Variants in FBXL17 observed in about 807,000 individuals in gnomAD.
FBXL17 encodes F-box/LRR-repeat protein 17.
A neutral mutation model predicts 66.2 loss-of-function variants in FBXL17; 22 were observed. The observed-to-expected ratio is 0.33, with a 90% CI of 0.24 to 0.47. The LOEUF (loss-of-function observed/expected upper bound fraction) is 0.47. FBXL17 is among the 20% of genes least tolerant of loss of function. The pLI, the probability that FBXL17 is intolerant of heterozygous loss-of-function variation, is 1.00. For synonymous variants in FBXL17, 474 were observed against 400.5 expected, an observed-to-expected ratio of 1.18 and a Z score of -2.19; for missense variants, 878 against 948.2, an observed-to-expected ratio of 0.93 and a Z score of 0.97.
At chr5:108,272,297 AT>A (rs1267347080) in intron 4 of FBXL17, among the ~76,000 whole-genome samples, 3 of 151,982 alleles carry the variant, frequency 2.0e-5, no homozygotes, top group Non-Finnish European at 2.9e-5. Context: ...TCCAAAAAAA[AT>A]AAATAAATAA....
intron 7 of FBXL17, among the ~76,000 whole-genome samples, chr5:108,015,279 A>G (rs970064561): frequency 2.0e-5 from 3 of 152,190 alleles, no homozygotes; most frequent in Admixed American, 6.5e-5. Flanking sequence ...AGAAACAATA[A>G]AAGTTACCTA....
intron 3 of FBXL17, among the ~76,000 whole-genome samples, chr5:108,360,147 T>C (rs1206071119): frequency 6.6e-6 from 1 of 152,116 alleles, no homozygotes; most frequent in Non-Finnish European, 1.5e-5. Flanking sequence ...TCTTTTTCCA[T>C]CCTTTCAACC....
At chr5:108,370,401 T>C (rs969891628) in intron 1 of FBXL17, among the ~76,000 whole-genome samples, 8 of 152,158 alleles carry the variant, frequency 5.3e-5, no homozygotes, top group African/African-American at 1.9e-4. Context: ...AACTGCCTGT[T>C]ACCTTCACAA....
intron 8 of FBXL17, among the ~76,000 whole-genome samples, chr5:107,869,193 G>T (rs376928204): frequency 7.6e-4 from 115 of 152,300 alleles, no homozygotes; most frequent in African/African-American, 2.5e-3. Context: ...AACAGCCCCA[G>T]AGGCTGACTC....
chr5:108,112,707 A>G lies in FBXL17; in HGVS notation c.1745+73410T>C, dbSNP rs1215787436. 7.9e-5 allele frequency among the ~76,000 whole-genome samples: 12 copies of G among 151,882 alleles called. No homozygotes were observed. The East Asian group carries it at 2.3e-3, about 29-fold the overall frequency. ...GTATTAAAATATATTACTGCTCAAGAAGGAGAAGGAATGCATGAACATGAT... is the reference window on the plus strand; with the variant it reads ...GTATTAAAATATATTACTGCTCAAGGAGGAGAAGGAATGCATGAACATGAT... On this transcript the variant is annotated intron_variant, in intron 6 of 8. Transcript: ENST00000542267.
chr5:108,245,252 A>G (rs1756042117), intron 4 of FBXL17, among the ~76,000 whole-genome samples: 1 of 152,166 alleles, frequency 6.6e-6, no homozygotes, highest in African/African-American at 2.4e-5. Context: ...GTTTGTGAAA[A>G]TATTTCAGAC....
At chr5:108,117,424 G>T (rs1013412625) in intron 6 of FBXL17, among the ~76,000 whole-genome samples, 1 of 152,076 alleles carries the variant, frequency 6.6e-6, no homozygotes, top group African/African-American at 2.4e-5. Flanking sequence ...GAAAAAGAGT[G>T]TTTTAAATAT....
At chr5:107,985,213 T>C (rs1752971742) in intron 7 of FBXL17, among the ~76,000 whole-genome samples, 1 of 152,220 alleles carries the variant, frequency 6.6e-6, no homozygotes, top group Non-Finnish European at 1.5e-5. Flanking sequence ...AGAACAAAGA[T>C]GACAGATAAA....
chr5:108,288,246 T>A (rs575853243), intron 4 of FBXL17, among the ~76,000 whole-genome samples: 114 of 151,102 alleles, frequency 7.5e-4, no homozygotes, highest in African/African-American at 2.7e-3. Flanking sequence ...AAACCGCACA[T>A]GTACCCCGAG....
At chr5:108,167,062 T>C (rs533908585) in intron 6 of FBXL17, among the ~76,000 whole-genome samples, 2 of 152,266 alleles carry the variant, frequency 1.3e-5, no homozygotes, top group Admixed American at 1.3e-4. Flanking sequence ...GTAGAGATCA[T>C]TGTGTTTTTT....
intron 7 of FBXL17, among the ~76,000 whole-genome samples, chr5:108,006,203 A>G (rs1176227748): frequency 2.6e-5 from 4 of 152,220 alleles, no homozygotes; most frequent in Admixed American, 6.5e-5. Context: ...CTAAAGTCAT[A>G]AAAAAATTAA....
At chr5:108,155,589 A>C (rs778988274) in intron 6 of FBXL17, among the ~76,000 whole-genome samples, 4 of 152,170 alleles carry the variant, frequency 2.6e-5, no homozygotes, top group African/African-American at 4.8e-5. Flanking sequence ...AACTCTCTGA[A>C]CTTTGAACAA....
rs1750002366 is a variant in FBXL17 at position 108,381,964 on chromosome 5, A to C, written c.-273T>G. The stretch of plus-strand genomic sequence containing the variant: ...GGGGACGCGAGGGAGGGAGCGAGCG[A>C]GCCTGCCGGCTAGGCGACCAGTCCG... On this transcript the variant is annotated 5_prime_UTR_variant, in exon 1 of 9. Transcript: ENST00000542267. The C allele has an allele frequency of 8.2e-7, 1 of 1,225,402 alleles. No individual in the cohort carries two copies. The highest frequency in any genetic ancestry group is 1.0e-6 in the Non-Finnish European group (1 of 981,006). The allele number at this position is 1,225,402 out of a possible 1,614,324, so 75.9% of individuals were successfully genotyped here. A position where few individuals can be genotyped will look rare whatever the true frequency, so the allele number is the denominator to read the frequency against.
chr5:108,103,676 A>T (rs1749684715), intron 6 of FBXL17, among the ~76,000 whole-genome samples: 1 of 152,204 alleles, frequency 6.6e-6, no homozygotes, highest in Non-Finnish European at 1.5e-5. Context: ...GTTTCAGGAC[A>T]AAGAAGAGAT....
At chr5:108,323,051 G>A (rs775386205) in intron 4 of FBXL17, among the ~76,000 whole-genome samples, 1 of 151,812 alleles carries the variant, frequency 6.6e-6, no homozygotes, top group African/African-American at 2.4e-5. Flanking sequence ...AACAAGACAT[G>A]ATGCCCATTT....
In FBXL17 at chr5:108,002,671, C is replaced by A. The variant is rs1289878899; in HGVS notation, c.1822+18254G>T. ...GAAAGGATAAAAAAAAGTGGTATAG[C>A]CATAAAATGGAATACTATTTAGCAA... On this transcript the variant is annotated intron_variant, in intron 7 of 8. Transcript: ENST00000542267. Among the ~76,000 whole-genome samples the A allele has an allele frequency of 2.6e-5, 4 of 152,124 alleles. No homozygotes were observed. The East Asian group carries it at 7.7e-4, about 29-fold the overall frequency.
chr5:107,898,075 T>C (rs1293410021), intron 7 of FBXL17, among the ~76,000 whole-genome samples: 1 of 152,134 alleles, frequency 6.6e-6, no homozygotes, highest in East Asian at 1.9e-4. Flanking sequence ...AGGATGAAGA[T>C]GTAGAAGAAG....
At chr5:108,065,318 C>T (rs1362020389) in intron 6 of FBXL17, among the ~76,000 whole-genome samples, 1 of 152,118 alleles carries the variant, frequency 6.6e-6, no homozygotes, top group African/African-American at 2.4e-5. Context: ...ACATACAAAG[C>T]ACATACAGGA....
intron 1 of FBXL17, among the ~76,000 whole-genome samples, chr5:108,374,139 T>C (rs1016757792): frequency 2.0e-5 from 3 of 152,120 alleles, no homozygotes; most frequent in Admixed American, 2.0e-4. Flanking sequence ...CAATAATGGA[T>C]AGAACAACCA....
Sources: allele counts gnomAD v4.1 joint callset (sites outside exome capture counted in the v4.1 genomes callset), GRCh38; gene constraint gnomAD v4.1.1; transcripts MANE v1.5; gene names NCBI Gene and HGNC (gene_info 2026-07-23, HGNC 2026-07-21).